The following ROR2 variants were observed in gnomAD, a reference collection of about 807,000 sequenced individuals.
ROR2 encodes ROR family WNT receptor 2.
A neutral mutation model predicts 74.9 loss-of-function variants in ROR2; 33 were observed. The ratio of observed to expected loss-of-function variants is 0.44; its 90% CI spans 0.33 to 0.59. The LOEUF (loss-of-function observed/expected upper bound fraction) is 0.59, where lower values mean the gene tolerates loss of function less well. Among genes scored for constraint, ROR2 ranks in the 20% least tolerant of loss-of-function variants. The pLI is 0.02. For synonymous variants in ROR2, 586 were observed against 558.7 expected, an observed-to-expected ratio of 1.05 and a Z score of -0.69; for missense variants, 1,216 against 1,313.8, an observed-to-expected ratio of 0.93 and a Z score of 1.15.
At chr9:91,948,545 A>G in intron 1 of ROR2, 5 of 981,318 alleles carry the variant, frequency 5.1e-6, no homozygotes, top group Non-Finnish European at 6.1e-6. Context: ...GACGTAATCA[A>G]CATCTGCTTA....
intron 4 of ROR2, among the ~76,000 whole-genome samples, chr9:91,755,612 C>T (rs775204727): frequency 2.0e-5 from 3 of 152,222 alleles, no homozygotes; most frequent in Non-Finnish European, 4.4e-5. Flanking sequence ...CTGTGAGCCT[C>T]GGTCTCCTCA....
intron 1 of ROR2, among the ~76,000 whole-genome samples, chr9:91,907,696 T>C (rs1262583421): frequency 6.6e-6 from 1 of 152,182 alleles, no homozygotes; most frequent in East Asian, 1.9e-4. Flanking sequence ...TCCTGAGATC[T>C]ATCCTCCAAA....
rs187931292 is a variant in ROR2, at chr9:91,745,353, G to A, written c.495-7835C>T. On this transcript the variant is annotated intron_variant, in intron 4 of 8. Transcript: ENST00000375708. ...TTGGTCAGGCTGGTCTCAAACTCCC[G>A]ACCTCAGATGATCCACCCACCTTGG... is the stretch of plus-strand genomic sequence containing the variant. 1.3e-3 allele frequency among the ~76,000 whole-genome samples: 203 copies of A among 150,948 alleles called. 6 individuals are homozygous for A. The East Asian group carries it at 0.034, about 25-fold the overall frequency.
rs540672189 is a variant in ROR2, at chr9:91,937,029, C to CAAAAAAAAAAAA, written c.97+12826_97+12837dup. On this transcript the variant is annotated intron_variant, in intron 1 of 8. Coordinates refer to ENST00000375708, the MANE Select transcript of ROR2 (RefSeq NM_004560.4). Reference sequence around the variant, plus strand: ...TGGGCGACAGAGCGAGACTCCGTCTCAAAAAAAAAAAAAAAAAAGATTTCC... The same window carrying CAAAAAAAAAAAA: ...TGGGCGACAGAGCGAGACTCCGTCTCAAAAAAAAAAAAAAAAAAAAAAAAAAAAAAGATTTCC... Among the ~76,000 whole-genome samples, 152 of 65,478 alleles carry CAAAAAAAAAAAA rather than the reference C, an allele frequency of 2.3e-3. 3 individuals are homozygous for CAAAAAAAAAAAA. The highest frequency in any genetic ancestry group is 0.014 in the Admixed American group (69 of 5,100). 43.0% of individuals were successfully genotyped at this position (65,478 alleles called of 152,430 possible).
intron 1 of ROR2, among the ~76,000 whole-genome samples, chr9:91,860,882 C>G (rs1829450107): frequency 6.6e-6 from 1 of 152,180 alleles, no homozygotes; most frequent in South Asian, 2.1e-4. Flanking sequence ...ACTCCTTAGT[C>G]TAGCGGACAC....
rs1830783215 is a variant in ROR2 at position 91,905,167 on chromosome 9, A to G, written c.97+44700T>C. Among the ~76,000 whole-genome samples the G allele has an allele frequency of 6.6e-6, 1 of 151,820 alleles. No homozygotes were observed. Among genetic ancestry groups the G allele is most frequent in the Admixed American group, 6.6e-5 (1 of 15,216 alleles). On this transcript the variant is annotated intron_variant, in intron 1 of 8. Coordinates refer to ENST00000375708, the MANE Select transcript of ROR2 (RefSeq NM_004560.4). The surrounding 1 kb of genome is among the most constrained non-coding windows in gnomAD (Gnocchi z 5.3). ...AAATATCACACATGCAAGACACACC[A>G]CACAACACATACCATACACAACACA... is the stretch of plus-strand genomic sequence containing the variant.
chr9:91,851,395 C>G (rs1829087091), intron 1 of ROR2, among the ~76,000 whole-genome samples: 1 of 151,796 alleles, frequency 6.6e-6, no homozygotes, highest in Non-Finnish European at 1.5e-5. Flanking sequence ...AAAAAAAATT[C>G]CATATATTCC....
At chr9:91,731,788 G>A (rs774338506) in intron 6 of ROR2, among the ~76,000 whole-genome samples, 1 of 152,116 alleles carries the variant, frequency 6.6e-6, no homozygotes, top group Non-Finnish European at 1.5e-5. Flanking sequence ...GGTAACGCAC[G>A]CCTGTAGTCC....
At chr9:91,842,743 CT>C (rs1279162495) in intron 1 of ROR2, among the ~76,000 whole-genome samples, 1 of 152,266 alleles carries the variant, frequency 6.6e-6, no homozygotes, top group Non-Finnish European at 1.5e-5. Context: ...TGCCACCCCC[CT>C]CCTCCTTTCC....
At chr9:91,853,585 G>A (rs1292174734) in intron 1 of ROR2, among the ~76,000 whole-genome samples, 1 of 152,116 alleles carries the variant, frequency 6.6e-6, no homozygotes, top group South Asian at 2.1e-4. Flanking sequence ...CCGAGGAGTA[G>A]TATCCACCCC....
chr9:91,850,757 A>G (rs1563998625), intron 1 of ROR2, among the ~76,000 whole-genome samples: 1 of 152,212 alleles, frequency 6.6e-6, no homozygotes, highest in Non-Finnish European at 1.5e-5. Flanking sequence ...TAATTTTACT[A>G]TTTATATATT....
At chr9:91,805,840 C>G (rs989320603) in intron 1 of ROR2, among the ~76,000 whole-genome samples, 1 of 152,200 alleles carries the variant, frequency 6.6e-6, no homozygotes, top group African/African-American at 2.4e-5. Flanking sequence ...CAACACTGCC[C>G]TCCCCATGAG....
At chr9:91,854,200 G>A (rs1228871693) in intron 1 of ROR2, among the ~76,000 whole-genome samples, 3 of 152,198 alleles carry the variant, frequency 2.0e-5, no homozygotes, top group African/African-American at 7.2e-5. Flanking sequence ...GCTTATTGTT[G>A]GAGGATTGCT....
At chr9:91,918,099 G>A (rs905256257) in intron 1 of ROR2, among the ~76,000 whole-genome samples, 5 of 152,106 alleles carry the variant, frequency 3.3e-5, no homozygotes, top group Non-Finnish European at 5.9e-5. Context: ...GTGAAACCCC[G>A]TCTCTACTAA....
At chr9:91,814,275 G>A (rs182215064) in intron 1 of ROR2, among the ~76,000 whole-genome samples, 36 of 152,298 alleles carry the variant, frequency 2.4e-4, no homozygotes, top group East Asian at 1.9e-4. Flanking sequence ...ATTTTTGATC[G>A]TGGAAGGCAT....
rs549641039 is a variant in ROR2 at position 91,728,304 on chromosome 9, T to A, written c.1184-1561A>T. Among the ~76,000 whole-genome samples, 4 of 152,362 alleles carry A rather than the reference T, an allele frequency of 2.6e-5. No homozygotes were observed. The South Asian group carries it at 6.2e-4, about 24-fold the overall frequency. On this transcript the variant is annotated intron_variant, in intron 7 of 8. Transcript: ENST00000375708. Reference sequence around the variant, plus strand: ...TGTTCTCCTAACTTTATGTATATTTTAGGTTGAACCACATGGAACAACCGA... The same window carrying A: ...TGTTCTCCTAACTTTATGTATATTTAAGGTTGAACCACATGGAACAACCGA...
rs181289397 is a variant in ROR2, at chr9:91,811,405, G to T, written c.98-35587C>A. 3.3e-4 allele frequency among the ~76,000 whole-genome samples: 50 copies of T among 152,374 alleles called. 1 individual carries two copies. The South Asian group carries it at 5.4e-3, about 16-fold the overall frequency. On this transcript the variant is annotated intron_variant, in intron 1 of 8. Coordinates refer to ENST00000375708, the MANE Select transcript of ROR2 (RefSeq NM_004560.4). ...GTCCGCCCCAGCGCTTCTCCAGTGA[G>T]GGGGAGGGTCTCTCTGAGGAAGGGG... is the stretch of plus-strand genomic sequence containing the variant.
At chr9:91,801,130 C>A (rs1827363132) in intron 1 of ROR2, among the ~76,000 whole-genome samples, 1 of 152,048 alleles carries the variant, frequency 6.6e-6, no homozygotes, top group Non-Finnish European at 1.5e-5. Context: ...GAATTCAAAG[C>A]ATGGAGGAGT....
chr9:91,724,906 G>A lies in ROR2; in HGVS notation c.1588C>T (p.Arg530Trp), dbSNP rs369080860. Residue 530 changes from arginine (R) to tryptophan (W), a missense_variant, in exon 9 of 9, where the codon CGG (arginine) becomes TGG (tryptophan). By Grantham distance (101) the Arg-to-Trp change is moderately radical. Transcript: ENST00000375708. ...EFRHEAMLRARLQHPNVVCLL... is the reference protein window; with the variant it reads ...EFRHEAMLRAWLQHPNVVCLL... ...CAGACGACGTTGGGGTGTTGCAGCC[G>A]TGCTCGCAGCATAGCCTCATGCCGG... 1.5e-5 allele frequency: 24 copies of A among 1,608,504 alleles called. No homozygotes were observed. The highest frequency in any genetic ancestry group is 8.0e-5 in the African/African-American group (6 of 74,832).
Sources: allele counts gnomAD v4.1 joint callset (sites outside exome capture counted in the v4.1 genomes callset), GRCh38; gene constraint gnomAD v4.1.1; non-coding constraint Gnocchi (gnomAD v3.1); transcripts MANE v1.5; gene names NCBI Gene and HGNC (gene_info 2026-07-23, HGNC 2026-07-21).